The following CEP112 variants were observed in gnomAD, a reference collection of about 807,000 sequenced individuals.
CEP112 encodes centrosomal protein 112.
A neutral mutation model predicts 153.0 loss-of-function variants in CEP112; 127 were observed. The observed-to-expected ratio is 0.83, with a 90% CI of 0.72 to 0.96. CEP112 has a LOEUF of 0.96. Ranked by LOEUF, CEP112 falls within the 40% of genes least tolerant of loss-of-function variation. The pLI is 0.00. For missense variants in CEP112, 1,089 were observed against 1,101.2 expected (o/e 0.99, Z 0.16); for synonymous variants, 358 against 374.4 (o/e 0.96, Z 0.51).
intron 23 of CEP112, among the ~76,000 whole-genome samples, chr17:65,700,477 G>A (rs2048575094): frequency 6.6e-6 from 1 of 152,168 alleles, no homozygotes; most frequent in Admixed American, 6.5e-5. Flanking sequence ...TTTCCCAGGA[G>A]GAGAGGAGAG....
intron 22 of CEP112, among the ~76,000 whole-genome samples, chr17:65,743,473 AC>A (rs1484728733): frequency 2.0e-5 from 3 of 152,256 alleles, no homozygotes; most frequent in African/African-American, 7.2e-5. Flanking sequence ...CACAATATTT[AC>A]TCATCAGAAG....
At chr17:66,086,579 A>AT (rs563656788) in intron 8 of CEP112, among the ~76,000 whole-genome samples, 134 of 149,898 alleles carry the variant, frequency 8.9e-4, no homozygotes, top group African/African-American at 2.8e-3. Context: ...AATTTTTTGT[A>AT]TTTTTTTTAG....
intron 23 of CEP112, among the ~76,000 whole-genome samples, chr17:65,700,943 A>G (rs949697619): frequency 1.3e-5 from 2 of 152,220 alleles, no homozygotes; most frequent in African/African-American, 4.8e-5. Flanking sequence ...AAGTCCAGGA[A>G]TACAGAATGA....
chr17:66,012,667 T>C (rs1254748063), intron 16 of CEP112, among the ~76,000 whole-genome samples: 3 of 152,172 alleles, frequency 2.0e-5, no homozygotes. Context: ...AATATTTTTT[T>C]TATTTCGACC....
rs2044744618 is a variant in CEP112 at position 65,635,950 on chromosome 17, C to T, written c.*21G>A. 2 of 1,598,574 alleles carry T rather than the reference C, an allele frequency of 1.3e-6. No homozygotes were observed. The highest frequency in any genetic ancestry group is 2.3e-5 in the South Asian group (2 of 88,274). The stretch of plus-strand genomic sequence containing the variant: ...CCACAGCACAGCCTGGAAATTGCAT[C>T]CGTTGCATTCTCTCGTGCAGTTACC... On this transcript the variant is annotated 3_prime_UTR_variant, in exon 27 of 27. Coordinates refer to ENST00000535342, the MANE Select transcript of CEP112 (RefSeq NM_001199165.4).
chr17:65,705,775 C>A (rs186040963), intron 23 of CEP112, among the ~76,000 whole-genome samples: 1 of 152,112 alleles, frequency 6.6e-6, no homozygotes, highest in African/African-American at 2.4e-5. Context: ...ATGTTTGGAT[C>A]CTGATTCAGA....
intron 4 of CEP112, among the ~76,000 whole-genome samples, chr17:66,156,723 C>T (rs1353253305): frequency 6.6e-6 from 1 of 152,022 alleles, no homozygotes. Context: ...AGCACGAGAA[C>T]TTCGTGAAGC....
At chr17:65,649,711 C>CTG (rs2045633971) in intron 24 of CEP112, among the ~76,000 whole-genome samples, 2 of 103,192 alleles carry the variant, frequency 1.9e-5, no homozygotes, top group Non-Finnish European at 1.8e-5. Flanking sequence ...GAATAAGACC[C>CTG]TGTCTCAAAA....
At chr17:65,754,259 C>T (rs1010024560) in intron 21 of CEP112, among the ~76,000 whole-genome samples, 2 of 152,128 alleles carry the variant, frequency 1.3e-5, no homozygotes, top group African/African-American at 4.8e-5. Context: ...GCATTCCAGG[C>T]AGAAGGAAGA....
At chr17:66,052,392 T>G (rs149118855) in intron 12 of CEP112, among the ~76,000 whole-genome samples, 1 of 152,152 alleles carries the variant, frequency 6.6e-6, no homozygotes, top group Non-Finnish European at 1.5e-5. Context: ...CTGAGCCACA[T>G]GCAGAGTAGC....
intron 17 of CEP112, among the ~76,000 whole-genome samples, chr17:65,985,615 A>C (rs2063379936): frequency 6.6e-6 from 1 of 152,190 alleles, no homozygotes; most frequent in Admixed American, 6.5e-5. Context: ...GCATATATTC[A>C]ATGGTGTGAA....
chr17:66,086,353 A>G (rs2146210112), intron 8 of CEP112, among the ~76,000 whole-genome samples: 1 of 146,634 alleles, frequency 6.8e-6, no homozygotes, highest in East Asian at 2.0e-4. Flanking sequence ...AAAGGGATTT[A>G]AGCAAGTAGA....
At chr17:66,186,504 T>G (rs942953955) in intron 1 of CEP112, among the ~76,000 whole-genome samples, 3 of 152,172 alleles carry the variant, frequency 2.0e-5, no homozygotes, top group African/African-American at 7.2e-5. Flanking sequence ...TTAGCCAGGC[T>G]GGTCTTGATC....
intron 8 of CEP112, among the ~76,000 whole-genome samples, chr17:66,092,341 T>C (rs1455273031): frequency 8.4e-6 from 1 of 118,550 alleles, no homozygotes; most frequent in East Asian, 2.7e-4. Context: ...AGTCCGGCCT[T>C]GAAGCATTAA....
At chr17:65,997,453 C>T (rs1028605455) in intron 17 of CEP112, among the ~76,000 whole-genome samples, 16 of 152,174 alleles carry the variant, frequency 1.1e-4, no homozygotes, top group Non-Finnish European at 1.8e-4. Context: ...TAGCTATTTC[C>T]AGAAACCTGG....
At chr17:66,055,558 T>TA (rs1055542420) in intron 11 of CEP112, among the ~76,000 whole-genome samples, 23 of 152,262 alleles carry the variant, frequency 1.5e-4, no homozygotes, top group African/African-American at 4.8e-4. Flanking sequence ...CAGTTGTACT[T>TA]ACAGGAGCAA....
At chr17:66,110,153 C>T (rs1028605635) in intron 6 of CEP112, among the ~76,000 whole-genome samples, 6 of 151,596 alleles carry the variant, frequency 4.0e-5, no homozygotes, top group African/African-American at 1.5e-4. Flanking sequence ...AGCAAGACTC[C>T]GTCTCAAAAC....
At chr17:65,849,891 C>T (rs1012867012) in intron 21 of CEP112, among the ~76,000 whole-genome samples, 4 of 152,096 alleles carry the variant, frequency 2.6e-5, no homozygotes, top group Admixed American at 6.5e-5. Context: ...CGGTGGCTTA[C>T]GCCTGTAATC....
intron 16 of CEP112, among the ~76,000 whole-genome samples, chr17:66,013,290 GGC>G (rs2064619262): frequency 6.6e-6 from 1 of 152,168 alleles, no homozygotes; most frequent in African/African-American, 2.4e-5. Flanking sequence ...AAGACACTCT[GGC>G]TTTTTGAGTT....
Sources: allele counts gnomAD v4.1 joint callset (sites outside exome capture counted in the v4.1 genomes callset), GRCh38; gene constraint gnomAD v4.1.1; transcripts MANE v1.5; gene names NCBI Gene and HGNC (gene_info 2026-07-23, HGNC 2026-07-21).